Variants in ASAP3 observed in about 807,000 individuals in gnomAD.
The protein encoded by ASAP3 is arf-GAP with SH3 domain, ANK repeat and PH domain-containing protein 3.
ASAP3 carries 85 observed loss-of-function variants against 118.2 expected under a neutral mutation model. The observed-to-expected ratio is 0.72, with a 90% CI of 0.60 to 0.86. ASAP3 has a LOEUF of 0.86. Ranked by LOEUF, ASAP3 falls within the 40% of genes least tolerant of loss-of-function variation. The pLI is 0.00. For synonymous variants in ASAP3, 432 were observed against 477.4 expected (o/e 0.90, Z 1.24); for missense variants, 1,026 against 1,175.0 (o/e 0.87, Z 1.85).
At position 23,429,872 on chromosome 1, in the gene ASAP3, T is replaced by G. The variant is rs1230408567; in HGVS notation, c.2696A>C (p.Gln899Pro). The G allele has an allele frequency of 6.2e-7, 1 of 1,613,888 alleles. No homozygotes were observed. Among genetic ancestry groups the G allele is most frequent in the Non-Finnish European group, 8.5e-7 (1 of 1,179,882 alleles). ...AGCAAGGAGCTAGTCTTGCAAAAGT[T>G]GCACAGAACTTGCTGGGAGACTCCC... ...RTGSLPASSV[Q>P]LLQD Residue 899 changes from glutamine to proline, a missense_variant, in exon 25 of 25, where the codon CAA becomes CCA. Gln to Pro is a moderately conservative substitution (Grantham distance 76). Transcript: ENST00000336689.
At chr1:23,443,846 G>A (rs1187255083) in intron 5 of ASAP3, among the ~76,000 whole-genome samples, 3 of 151,986 alleles carry the variant, frequency 2.0e-5, no homozygotes, top group South Asian at 2.1e-4. Context: ...TCAGCCTCCC[G>A]AGTAGGTGGG....
chr1:23,456,066 C>T (rs779272687), intron 2 of ASAP3, 40 bp from the exon 3 acceptor site: 2 of 1,613,880 alleles, frequency 1.2e-6, no homozygotes, highest in Non-Finnish European at 1.7e-6. Context: ...TAGCTCCAGG[C>T]TGGGGCTGGG....
intron 23 of ASAP3, 71 bp from the exon 24 acceptor site, chr1:23,431,196 A>G: frequency 1.4e-6 from 2 of 1,469,330 alleles, no homozygotes; most frequent in Non-Finnish European, 9.3e-7. Flanking sequence ...GAAAGGGCTC[A>G]GGAACAGAGC....
At chr1:23,472,853 A>G (rs1293541347) in intron 1 of ASAP3, among the ~76,000 whole-genome samples, 1 of 152,198 alleles carries the variant, frequency 6.6e-6, no homozygotes, top group Non-Finnish European at 1.5e-5. Flanking sequence ...CCCATAAGAC[A>G]ATTATCTTCA....
At chr1:23,459,856 G>A (rs1280245997) in intron 1 of ASAP3, among the ~76,000 whole-genome samples, 1 of 152,200 alleles carries the variant, frequency 6.6e-6, no homozygotes, top group Non-Finnish European at 1.5e-5. Context: ...AGAGATCACT[G>A]GGTGGCTCCC....
chr1:23,483,935 C>A, intron 1 of ASAP3, 70 bp downstream of exon 1: 1 of 1,226,526 alleles, frequency 8.2e-7, no homozygotes, highest in South Asian at 3.7e-5. Context: ...AGCTCGGGTG[C>A]GACACGCCTG....
rs1340231058 is a variant in ASAP3, at chr1:23,466,998, G to A, written c.130-10804C>T. Reference sequence around the variant, plus strand: ...TTATCCTGCCTCAGCCTCCAGAGTAGCTGGGATTACAGGCATGCGCCACTG... The same window carrying A: ...TTATCCTGCCTCAGCCTCCAGAGTAACTGGGATTACAGGCATGCGCCACTG... On this transcript the variant is annotated intron_variant, in intron 1 of 24. Transcript: ENST00000336689. Among the ~76,000 whole-genome samples the A allele has an allele frequency of 2.6e-5, 4 of 152,086 alleles. No homozygotes were observed. The East Asian group carries it at 5.8e-4, about 22-fold the overall frequency.
At chr1:23,484,208 C>G (rs1570431208), upstream of ASAP3, 2 of 1,204,960 alleles carry the variant, frequency 1.7e-6, no homozygotes, top group Non-Finnish European at 2.1e-6. Flanking sequence ...CCGGCCTCAC[C>G]GCCGGCCGGG....
intron 1 of ASAP3, among the ~76,000 whole-genome samples, chr1:23,481,872 C>T (rs1642318326): frequency 6.6e-6 from 1 of 152,156 alleles, no homozygotes; most frequent in African/African-American, 2.4e-5. Context: ...ACCATGAAAT[C>T]CCTAAGAATG....
intron 1 of ASAP3, among the ~76,000 whole-genome samples, chr1:23,468,773 G>A (rs1641862851): frequency 6.6e-6 from 1 of 150,570 alleles, no homozygotes. Context: ...TACTTGGGAG[G>A]CTGAGGCGAA....
intron 5 of ASAP3, among the ~76,000 whole-genome samples, chr1:23,445,963 C>G (rs1315716440): frequency 6.6e-6 from 1 of 151,044 alleles, no homozygotes; most frequent in Non-Finnish European, 1.5e-5. Context: ...GCCTGGGCAA[C>G]AGAGTAGACT....
upstream of ASAP3, chr1:23,484,204 T>C: frequency 8.3e-7 from 1 of 1,207,228 alleles, no homozygotes; most frequent in Non-Finnish European, 1.0e-6. Context: ...TGAGCCGGCC[T>C]CACCGCCGGC....
At chr1:23,466,468 A>G (rs1228647067) in intron 1 of ASAP3, among the ~76,000 whole-genome samples, 1 of 152,196 alleles carries the variant, frequency 6.6e-6, no homozygotes, top group Non-Finnish European at 1.5e-5. Flanking sequence ...GGCCCTAAAC[A>G]AGGCCTAAAT....
intron 1 of ASAP3, among the ~76,000 whole-genome samples, chr1:23,475,587 A>G (rs1301330651): frequency 6.6e-6 from 1 of 152,190 alleles, no homozygotes; most frequent in East Asian, 1.9e-4. Flanking sequence ...TCAAATGTGT[A>G]TCTCCAGCCC....
intron 24 of ASAP3, 35 bp from the exon 25 acceptor site, chr1:23,429,965 G>A (rs1640366466): frequency 6.4e-7 from 1 of 1,570,690 alleles, no homozygotes; most frequent in Non-Finnish European, 8.8e-7. Flanking sequence ...CATTTTCAAA[G>A]CACCTGTAAC....
In ASAP3 at chr1:23,434,881, C is replaced by G. The variant is rs141358259; in HGVS notation, c.1750-263G>C. 8.6e-3 allele frequency among the ~76,000 whole-genome samples: 1,308 copies of G among 152,312 alleles called. 14 individuals are homozygous for G. Among genetic ancestry groups the G allele is most frequent in the Admixed American group, 0.013 (201 of 15,298 alleles). On this transcript the variant is annotated intron_variant, in intron 17 of 24. Coordinates refer to ENST00000336689, the MANE Select transcript of ASAP3 (RefSeq NM_017707.4). ...CTTTCTCAGCTCTCGGCTCCTCTCC[C>G]TGATCGCACTTCCCCACCAAGACCT...
chr1:23,483,570 C>G (rs909537), intron 1 of ASAP3, among the ~76,000 whole-genome samples: 133,621 of 151,922 alleles, frequency 0.88, 58,877 homozygotes, highest in Middle Eastern at 0.94. Context: ...CAGCCGCAAG[C>G]GGGAGGGGGC....
At position 23,434,271 on chromosome 1, in the gene ASAP3, C is replaced by G; in HGVS notation, c.1934G>C (p.Arg645Thr). The G allele has an allele frequency of 1.2e-6, 2 of 1,614,118 alleles. No individual in the cohort carries two copies. Among genetic ancestry groups the G allele is most frequent in the Non-Finnish European group, 1.7e-6 (2 of 1,180,006 alleles). ...PDCLKLLLKG[R>T]ALVGTVNEAG... ...AGCCCCACCTGTGCCAACCAAAGCT[C>G]TCCCCTTCAGCAGCAGCTTGAGGCA... Residue 645 changes from arginine (R) to threonine (T), a missense_variant, in exon 19 of 25, where the codon AGA becomes ACA. Arg to Thr is a moderately conservative substitution (Grantham distance 71, BLOSUM62 -1). Transcript: ENST00000336689.
chr1:23,448,775 C>T (rs971497068), intron 5 of ASAP3, among the ~76,000 whole-genome samples: 8 of 152,314 alleles, frequency 5.3e-5, no homozygotes, highest in Admixed American at 3.9e-4. Context: ...GGCCCAGGCA[C>T]TCTGCTAGGC....
Sources: allele counts gnomAD v4.1 joint callset (sites outside exome capture counted in the v4.1 genomes callset), GRCh38; gene constraint gnomAD v4.1.1; transcripts MANE v1.5; gene names NCBI Gene and HGNC (gene_info 2026-07-23, HGNC 2026-07-21).